The following TP73 variants were observed in gnomAD, a reference collection of about 807,000 sequenced individuals.
TP73 encodes the protein p53-like transcription factor.
Under a neutral mutation model 62.5 loss-of-function variants are expected in TP73, and 25 were observed. That is an observed-to-expected ratio of 0.40 (90% CI 0.29 to 0.56). The LOEUF is 0.56. Among genes scored for constraint, TP73 ranks in the 20% least tolerant of loss-of-function variants. The pLI, the probability that TP73 is intolerant of heterozygous loss-of-function variation, is 0.46. For synonymous variants in TP73, 423 were observed against 377.5 expected (o/e 1.12, Z -1.40); for missense variants, 754 against 913.3 (o/e 0.83, Z 2.25).
At chr1:3,686,534 C>T (rs1645661508) in intron 3 of TP73, among the ~76,000 whole-genome samples, 1 of 152,196 alleles carries the variant, frequency 6.6e-6, no homozygotes, top group Non-Finnish European at 1.5e-5. Flanking sequence ...AACCCTCCTG[C>T]CACACTGGCC....
In TP73 at chr1:3,682,393, G is replaced by C; in HGVS notation, c.28G>C (p.Asp10His). 6.4e-7 allele frequency: 1 copy of C among 1,565,408 alleles called. No individual in the cohort carries two copies. Among genetic ancestry groups the C allele is most frequent in the Non-Finnish European group, 8.7e-7 (1 of 1,152,608 alleles). ...GGCCCAGTCCACCGCCACCTCCCCT[G>C]ATGGGGGCACCACGTTTGAGCACCT... MAQSTATSP[D>H]GGTTFEHLWS... is the part of the protein sequence containing the mutation. Residue 10 changes from aspartate to histidine, a missense_variant, in exon 2 of 14, where the codon GAT (aspartate) becomes CAT (histidine). Around this residue, in one of 3 missense-constraint regions of TP73, gnomAD observed 235 missense variants for 251.4 expected, o/e 0.93. Coordinates refer to ENST00000378295, the MANE Select transcript of TP73 (RefSeq NM_005427.4).
Position 3,727,787 on chromosome 1 carries a change from G to A in TP73, c.985+17G>A. 6.6e-7 allele frequency: 1 copy of A among 1,516,344 alleles called. No homozygotes were observed. The highest frequency in any genetic ancestry group is 8.8e-7 in the Non-Finnish European group (1 of 1,130,892). The allele number at this position is 1,516,344 out of a possible 1,614,324, so 93.9% of individuals were successfully genotyped here. On this transcript the variant is annotated intron_variant, in intron 8 of 13. Transcript: ENST00000378295. ...GCAAGCGTGGTGAGCGGCCGGCCAG[G>A]GGAACTGGACGCGTGTGGGAGGAGA...
chr1:3,728,992 A>AAGAGAGAGAGAGAGAGAGAGAG (rs3034587), intron 9 of TP73, among the ~76,000 whole-genome samples: 1 of 150,718 alleles, frequency 6.6e-6, no homozygotes, highest in Non-Finnish European at 1.5e-5. Flanking sequence ...TGTCGAAAGA[A>AAGAGAGAGAGAGAGAGAGAGAG]AGAGAGAGAG....
chr1:3,700,993 C>T (rs1639117072), intron 3 of TP73, among the ~76,000 whole-genome samples: 1 of 152,228 alleles, frequency 6.6e-6, no homozygotes, highest in African/African-American at 2.4e-5. Flanking sequence ...CCTCCACATT[C>T]TGAGGAAGGC....
At chr1:3,679,807 CTCTCTGTCTCTG>C (rs61542341) in intron 1 of TP73, among the ~76,000 whole-genome samples, 1 of 137,034 alleles carries the variant, frequency 7.3e-6, no homozygotes, top group Non-Finnish European at 1.6e-5. Context: ...TTGTCCCTGT[CTCTCTGTCTCTG>C]TCTCTGTCTC....
rs538874513 is a variant in TP73 at position 3,730,017 on chromosome 1, C to T, written c.1214C>T (p.Pro405Leu). The T allele has an allele frequency of 9.3e-6, 15 of 1,604,920 alleles. No homozygotes were observed. The highest frequency in any genetic ancestry group is 1.2e-5 in the Non-Finnish European group (14 of 1,174,412). The change falls in exon 11 of 14, where the codon CCG (proline) becomes CTG (leucine). Residue 405 changes from proline to leucine, a missense_variant. Transcript: ENST00000378295. ...CTGAGCAGGAGTCACCTACAGCCCC[C>T]GTCCTACGGGCCGGTCCTCTCGCCC... ...LLQRPSHLQP[P>L]SYGPVLSPMN... is the part of the protein sequence containing the mutation.
intron 1 of TP73, among the ~76,000 whole-genome samples, chr1:3,669,916 G>T (rs763961712): frequency 4.6e-5 from 7 of 152,230 alleles, no homozygotes; most frequent in Non-Finnish European, 2.9e-5. Context: ...GTGAATAGGT[G>T]TGTCCATGTG....
intron 3 of TP73, among the ~76,000 whole-genome samples, chr1:3,697,485 C>A (rs549489648): frequency 6.6e-6 from 1 of 152,242 alleles, no homozygotes; most frequent in African/African-American, 2.4e-5. Context: ...CACCTTTTCC[C>A]GAGCCCGTCC....
chr1:3,679,597 C>T (rs1254175261), intron 1 of TP73, among the ~76,000 whole-genome samples: 1 of 150,682 alleles, frequency 6.6e-6, no homozygotes, highest in Non-Finnish European at 1.5e-5. Context: ...CTCTCTTTGT[C>T]CTTGTCTCTC....
At chr1:3,653,677 A>G (rs1644806721) in intron 1 of TP73, among the ~76,000 whole-genome samples, 1 of 152,180 alleles carries the variant, frequency 6.6e-6, no homozygotes, top group African/African-American at 2.4e-5. Flanking sequence ...TGTTGCTGTC[A>G]TTGCTGTTTA....
At chr1:3,717,972 A>G (rs2124456648) in intron 4 of TP73, among the ~76,000 whole-genome samples, 1 of 152,278 alleles carries the variant, frequency 6.6e-6, no homozygotes, top group South Asian at 2.1e-4. Context: ...CAGGCCCAGG[A>G]CCTTGGTGGC....
intron 1 of TP73, 69 bp from the exon 2 acceptor site, chr1:3,682,264 C>T (rs1451516110): frequency 2.5e-6 from 3 of 1,222,950 alleles, no homozygotes; most frequent in South Asian, 2.3e-5. Flanking sequence ...CCGCCCCCAC[C>T]GAGGCTGTCA....
Position 3,683,045 on chromosome 1 carries a change from C to T in TP73, c.66-15C>T, listed in dbSNP as rs1252213579. 2 of 1,594,674 alleles carry T rather than the reference C, an allele frequency of 1.3e-6. No homozygotes were observed. Among genetic ancestry groups the T allele is most frequent in the Non-Finnish European group, 1.7e-6 (2 of 1,164,878 alleles). Reference sequence around the variant, plus strand: ...ACTGGGGACTGACGCTTCTATTTTCCTCTCCCTGCCCCAGGGAACCAGACA... The same window carrying T: ...ACTGGGGACTGACGCTTCTATTTTCTTCTCCCTGCCCCAGGGAACCAGACA... On this transcript the variant is annotated splice_polypyrimidine_tract_variant and intron_variant, in intron 2 of 13. Coordinates refer to ENST00000378295, the MANE Select transcript of TP73 (RefSeq NM_005427.4).
intron 1 of TP73, chr1:3,658,930 ACAGT>A (rs1371108414): frequency 2.0e-5 from 3 of 148,334 alleles, no homozygotes; most frequent in Non-Finnish European, 4.4e-5. Context: ...CTGGTCTCCT[ACAGT>A]CATATTTTGG....
chr1:3,702,639 G>GC (rs1269097241), intron 3 of TP73, among the ~76,000 whole-genome samples: 1 of 152,210 alleles, frequency 6.6e-6, no homozygotes, highest in Non-Finnish European at 1.5e-5. Flanking sequence ...AGGCCCTGGG[G>GC]CCCCAGCAGG....
chr1:3,702,663 G>T (rs565896971), intron 3 of TP73, among the ~76,000 whole-genome samples: 2 of 152,200 alleles, frequency 1.3e-5, no homozygotes, highest in Non-Finnish European at 2.9e-5. Context: ...TGGTGCGTCC[G>T]CGGCCTGGAG....
At chr1:3,732,273 TG>T (rs1395898587) in intron 13 of TP73, among the ~76,000 whole-genome samples, 21 of 152,318 alleles carry the variant, frequency 1.4e-4, no homozygotes, top group African/African-American at 5.1e-4. Context: ...CTGTCCCTCG[TG>T]CAGAGAGTGG....
intron 1 of TP73, among the ~76,000 whole-genome samples, chr1:3,676,133 TG>T (rs1645361365): frequency 1.7e-5 from 1 of 58,288 alleles, no homozygotes; most frequent in African/African-American, 7.1e-5. Context: ...GGACAGAGGA[TG>T]GGGGACAAGG....
intron 4 of TP73, among the ~76,000 whole-genome samples, chr1:3,716,679 A>C (rs1199827951): frequency 6.6e-6 from 1 of 152,114 alleles, no homozygotes; most frequent in Non-Finnish European, 1.5e-5. Flanking sequence ...GGGGGCTGTC[A>C]CCAAGGGGGC....
Sources: gnomAD v4.1 joint callset for allele counts (sites outside exome capture counted in the v4.1 genomes callset) on GRCh38, gnomAD v4.1.1 for gene constraint, gnomAD v4.1.1 regional missense constraint, MANE v1.5 for transcripts, NCBI Gene and HGNC (gene_info 2026-07-23, HGNC 2026-07-21) for gene names.